Variants in TENM2 observed in about 807,000 individuals in gnomAD.
The protein encoded by TENM2 is teneurin transmembrane protein 2.
TENM2 carries 52 observed loss-of-function variants against 245.2 expected under a neutral mutation model. That is an observed-to-expected ratio of 0.21 (90% confidence interval 0.17 to 0.27). The LOEUF (loss-of-function observed/expected upper bound fraction) is 0.27. Among genes scored for constraint, TENM2 ranks in the 10% least tolerant of loss-of-function variants. The probability of loss-of-function intolerance (pLI) is 1.00; values close to 1 mark genes in which losing one functional copy is unlikely to be tolerated. For synonymous variants in TENM2, 1,363 were observed against 1,438.9 expected (o/e 0.95, Z 1.19); for missense variants, 3,046 against 3,666.8 (o/e 0.83, Z 4.37).
At chr5:167,959,502 C>G (rs1224606399) in intron 4 of TENM2, among the ~76,000 whole-genome samples, 1 of 152,186 alleles carries the variant, frequency 6.6e-6, no homozygotes, top group East Asian at 1.9e-4. Context: ...GCTATTGATA[C>G]TTGTGTATGC....
intron 2 of TENM2, among the ~76,000 whole-genome samples, chr5:167,774,162 GAGGA>G (rs780599062): frequency 3.5e-4 from 44 of 124,106 alleles, no homozygotes; most frequent in Non-Finnish European, 4.8e-4. Flanking sequence ...GGGAGGGAGG[GAGGA>G]AGGAAGGAAG....
intron 2 of TENM2, among the ~76,000 whole-genome samples, chr5:167,743,276 T>G (rs1434205251): frequency 6.6e-6 from 1 of 152,080 alleles, no homozygotes; most frequent in East Asian, 1.9e-4. Context: ...CAAAAAGCTT[T>G]AAAGCTGCTT....
intron 4 of TENM2, among the ~76,000 whole-genome samples, chr5:167,974,785 A>T (rs1469452699): frequency 6.6e-6 from 1 of 152,122 alleles, no homozygotes; most frequent in East Asian, 1.9e-4. Flanking sequence ...AGCCTCCTAG[A>T]ATCAGCAGGG....
At chr5:167,303,972 C>G (rs1186912268) in intron 1 of TENM2, among the ~76,000 whole-genome samples, 1 of 152,026 alleles carries the variant, frequency 6.6e-6, no homozygotes, top group African/African-American at 2.4e-5. Context: ...ATATAAAATC[C>G]CCAGATTTAA....
At chr5:167,841,215 C>T (rs962266181) in intron 2 of TENM2, among the ~76,000 whole-genome samples, 2 of 152,052 alleles carry the variant, frequency 1.3e-5, no homozygotes, top group African/African-American at 4.8e-5. Flanking sequence ...CACCACCATG[C>T]CCAGCTAATT....
intron 2 of TENM2, among the ~76,000 whole-genome samples, chr5:167,658,280 G>T (rs1213671261): frequency 1.3e-5 from 2 of 151,426 alleles, no homozygotes; most frequent in Non-Finnish European, 2.9e-5. Context: ...ACAATCTTGG[G>T]TCACTGCAAC....
intron 2 of TENM2, among the ~76,000 whole-genome samples, chr5:167,816,604 A>G (rs988572507): frequency 1.2e-4 from 19 of 152,196 alleles, no homozygotes; most frequent in African/African-American, 4.6e-4. Flanking sequence ...TTCTGCCGCC[A>G]GTGAGACACA....
intron 2 of TENM2, among the ~76,000 whole-genome samples, chr5:167,779,758 T>G (rs2150824108): frequency 6.6e-6 from 1 of 152,298 alleles, no homozygotes; most frequent in Admixed American, 6.5e-5. Context: ...AGGCTTTCTG[T>G]AACATTTTAG....
At chr5:166,983,062 T>C in the TENM2 span, among the ~76,000 whole-genome samples, 1 of 152,060 alleles carries the variant, frequency 6.6e-6, no homozygotes, top group Non-Finnish European at 1.5e-5. Context: ...TAAAAATTAT[T>C]TTGGGTTGTT....
At chr5:167,928,792 A>G (rs945179862) in intron 3 of TENM2, among the ~76,000 whole-genome samples, 4 of 148,912 alleles carry the variant, frequency 2.7e-5, no homozygotes, top group African/African-American at 9.9e-5. Flanking sequence ...TCTACTCAAG[A>G]GGCTGAGGCA....
the TENM2 span, among the ~76,000 whole-genome samples, chr5:167,193,536 G>A: frequency 6.6e-6 from 1 of 151,958 alleles, no homozygotes; most frequent in Non-Finnish European, 1.5e-5. Flanking sequence ...CAACATATAG[G>A]ATGGCTTCTC....
intron 5 of TENM2, among the ~76,000 whole-genome samples, chr5:167,995,493 A>G (rs928484299): frequency 2.0e-5 from 3 of 152,158 alleles, no homozygotes; most frequent in Non-Finnish European, 4.4e-5. Context: ...TAATGGGCCA[A>G]TTTACCCTGC....
At chr5:167,888,728 C>A (rs1392099170) in intron 3 of TENM2, among the ~76,000 whole-genome samples, 1 of 152,200 alleles carries the variant, frequency 6.6e-6, no homozygotes, top group East Asian at 1.9e-4. Context: ...TCCTTTGATT[C>A]CCCCAGGGCC....
At chr5:167,873,334 G>T (rs1429937877) in intron 2 of TENM2, among the ~76,000 whole-genome samples, 1 of 152,170 alleles carries the variant, frequency 6.6e-6, no homozygotes, top group East Asian at 1.9e-4. Context: ...ATCTGCTGTA[G>T]ATCACTCTCC....
chr5:167,531,869 A>T (rs1331636840), intron 2 of TENM2, among the ~76,000 whole-genome samples: 2 of 152,186 alleles, frequency 1.3e-5, no homozygotes, highest in Non-Finnish European at 2.9e-5. Flanking sequence ...TTCTCTGTCC[A>T]TACTTGAACT....
At position 167,347,732 on chromosome 5, in the gene TENM2, C is replaced by T. The variant is rs915588944; in HGVS notation, c.227-27466C>T. On this transcript the variant is annotated intron_variant, in intron 1 of 28. Coordinates refer to ENST00000518659, the Ensembl canonical transcript of TENM2. The stretch of plus-strand genomic sequence containing the variant: ...TTCTTCCCTTCTTTCCTTTTTTCTT[C>T]CTCCTCCTGTCCTATCAATCTATTT... 2.0e-5 allele frequency among the ~76,000 whole-genome samples: 3 copies of T among 151,822 alleles called. 1 individual carries two copies. The highest frequency in any genetic ancestry group is 4.4e-5 in the Non-Finnish European group (3 of 67,988).
chr5:167,789,701 T>A (rs1764820654), intron 2 of TENM2, among the ~76,000 whole-genome samples: 1 of 152,212 alleles, frequency 6.6e-6, no homozygotes, highest in African/African-American at 2.4e-5. Flanking sequence ...ATTTGTTTAT[T>A]TTCAGAGCCA....
chr5:167,872,556 A>AAGAAAG (rs1561881821), intron 2 of TENM2, among the ~76,000 whole-genome samples: 54 of 58,706 alleles, frequency 9.2e-4, no homozygotes, highest in Non-Finnish European at 1.6e-3. Flanking sequence ...AAGAGAAAGA[A>AAGAAAG]AGAAAGAAAG....
At chr5:167,399,903 A>G (rs1357471012) in intron 2 of TENM2, among the ~76,000 whole-genome samples, 1 of 151,672 alleles carries the variant, frequency 6.6e-6, no homozygotes, top group African/African-American at 2.4e-5. Flanking sequence ...ATCACATCTT[A>G]AGCTGAGAAT....
Sources: gnomAD v4.1 joint callset for allele counts (sites outside exome capture counted in the v4.1 genomes callset) on GRCh38, gnomAD v4.1.1 for gene constraint, MANE v1.5 for transcripts, NCBI Gene and HGNC (gene_info 2026-07-23, HGNC 2026-07-21) for gene names.